Variants in FEZ1 observed in about 807,000 individuals in gnomAD.
The protein encoded by FEZ1 is fasciculation and elongation protein zeta 1, also known as fasciculation and elongation protein zeta-1.
In FEZ1, 20 loss-of-function variants were observed where a neutral mutation model predicts 49.3. The observed-to-expected ratio is 0.41, with a 90% confidence interval of 0.29 to 0.59. FEZ1 has a LOEUF of 0.59. Among genes scored for constraint, FEZ1 ranks in the 20% least tolerant of loss-of-function variants. FEZ1 has a pLI of 0.36. For synonymous variants in FEZ1, 170 were observed against 180.9 expected (o/e 0.94, Z 0.48); for missense variants, 413 against 476.0 (o/e 0.87, Z 1.23).
chr11:125,493,473 G>A (rs866177709), intron 1 of FEZ1, among the ~76,000 whole-genome samples: 72 of 53,112 alleles, frequency 1.4e-3, no homozygotes, highest in African/African-American at 3.6e-3. Context: ...AAGGAAAGAA[G>A]GAAAGAAGGA....
chr11:125,481,620 G>T lies in FEZ1; in HGVS notation c.325C>A (p.Leu109Met). 1 of 1,610,004 alleles carries T rather than the reference G, an allele frequency of 6.2e-7. No homozygotes were observed. Among genetic ancestry groups the T allele is most frequent in the Non-Finnish European group, 8.5e-7 (1 of 1,176,468 alleles). Residue 109 changes from leucine to methionine, a missense_variant, in exon 3 of 10, where the codon CTG (leucine) becomes ATG (methionine). Transcript: ENST00000278919. The part of the protein sequence containing the change: ...TLQDEEVWDA[L>M]TDNYIPSLSE... ...AGTGAAGGGATGTAATTGTCTGTCA[G>T]AGCATCCCAAACCCTGTAAACAAAG...
chr11:125,487,597 C>T (rs913748808), intron 2 of FEZ1, among the ~76,000 whole-genome samples: 11 of 152,102 alleles, frequency 7.2e-5, no homozygotes, highest in African/African-American at 2.7e-4. Context: ...AAAATTTAAA[C>T]ACATAGCCCA....
chr11:125,452,594 C>T (rs1353418510), intron 7 of FEZ1, 185 bp from the exon 8 acceptor site: 4 of 554,158 alleles, frequency 7.2e-6, no homozygotes, highest in African/African-American at 3.8e-5. Context: ...AAAAGTAAGA[C>T]TTTCCCACAT....
At chr11:125,457,490 G>A (rs1053812395) in intron 5 of FEZ1, among the ~76,000 whole-genome samples, 2 of 20,848 alleles carry the variant, frequency 9.6e-5, no homozygotes, top group African/African-American at 1.9e-4. Flanking sequence ...ACACATATAT[G>A]TGTATATATG....
At chr11:125,487,401 G>A (rs1056623886) in intron 2 of FEZ1, among the ~76,000 whole-genome samples, 1 of 152,148 alleles carries the variant, frequency 6.6e-6, no homozygotes, top group African/African-American at 2.4e-5. Context: ...CTTGCCCAAG[G>A]TCACACAGCG....
intron 5 of FEZ1, among the ~76,000 whole-genome samples, chr11:125,456,842 A>G (rs534868280): frequency 2.6e-5 from 4 of 152,296 alleles, no homozygotes; most frequent in Admixed American, 2.0e-4. Flanking sequence ...ATATATTTTC[A>G]TAGTTGAGAT....
chr11:125,457,441 T>C (rs1208002474), intron 5 of FEZ1, among the ~76,000 whole-genome samples: 1 of 79,172 alleles, frequency 1.3e-5, no homozygotes, highest in East Asian at 4.1e-4. Context: ...TATATATATA[T>C]ATATATATAT....
rs1957447595 is a variant in FEZ1, at chr11:125,495,282, C to A, written c.-46+839G>T. On this transcript the variant is annotated intron_variant, in intron 1 of 9. Coordinates refer to ENST00000278919, the MANE Select transcript of FEZ1 (RefSeq NM_005103.5). The surrounding 1 kb of genome is among the most constrained non-coding windows in gnomAD (Gnocchi z 4.2). ...CAGGCCGCATACACACTCCACTGCC[C>A]TTCCGGCCAAACAAGCCCGGACACG... is the stretch of plus-strand genomic sequence containing the variant. 4.6e-6 allele frequency: 2 copies of A among 438,050 alleles called. No individual in the cohort carries two copies. The highest frequency in any genetic ancestry group is 7.1e-5 in the East Asian group (1 of 14,072). 27.1% of individuals were successfully genotyped at this position (438,050 alleles called of 1,614,324 possible).
rs181830556 is a variant in FEZ1 at position 125,454,175 on chromosome 11, C to T, written c.975G>A (p.Gln325=). The T allele has an allele frequency of 1.5e-5, 24 of 1,613,684 alleles. No homozygotes were observed. In the East Asian group the frequency reaches 5.4e-4, roughly 36 times the overall value. ...FSMEGISNIL[Q]SGIRQTFGSS... is the part of the protein sequence containing the mutation. Reference sequence around the variant, plus strand: ...AGCCAAAGGTCTGGCGGATGCCACTCTGCAGAATGTTGGAGATGCCTTCCA... The same window carrying T: ...AGCCAAAGGTCTGGCGGATGCCACTTTGCAGAATGTTGGAGATGCCTTCCA... Residue 325 remains glutamine (Q), a synonymous_variant, in exon 7 of 10, where the codon CAG becomes CAA. Transcript: ENST00000278919.
intron 3 of FEZ1, among the ~76,000 whole-genome samples, chr11:125,470,704 T>C (rs984508355): frequency 2.6e-5 from 4 of 152,200 alleles, no homozygotes; most frequent in Non-Finnish European, 4.4e-5. Context: ...CCTGTGGCTC[T>C]ACACCAAAAG....
In FEZ1 at chr11:125,489,485, T is replaced by G. The variant is rs766238154; in HGVS notation, c.293A>C (p.Glu98Ala). The G allele has an allele frequency of 2.5e-6, 4 of 1,613,318 alleles. No homozygotes were observed. Among genetic ancestry groups the G allele is most frequent in the Non-Finnish European group, 3.4e-6 (4 of 1,179,670 alleles). Residue 98 changes from glutamate to alanine, a missense_variant, in exon 2 of 10, where the codon GAG (glutamate) becomes GCG (alanine). Coordinates refer to ENST00000278919, the MANE Select transcript of FEZ1 (RefSeq NM_005103.5). The surrounding 1 kb of genome is among the most constrained non-coding windows in gnomAD (Gnocchi z 4.2). ...TTCTTACTCCTCGTCCTGAAGGGTC[T>G]CCTCCTCCTCTTGGATCTGTAACTG... ...KNQLQIQEEE[E>A]TLQDEEVWDA... is the part of the protein sequence containing the mutation.
At chr11:125,476,697 AAAG>A (rs1408307755) in intron 3 of FEZ1, among the ~76,000 whole-genome samples, 1 of 152,220 alleles carries the variant, frequency 6.6e-6, no homozygotes, top group African/African-American at 2.4e-5. Context: ...GTCAGCCTAA[AAAG>A]AAGGACTGGG....
intron 2 of FEZ1, among the ~76,000 whole-genome samples, chr11:125,487,141 A>G (rs529081640): frequency 6.6e-6 from 1 of 152,290 alleles, no homozygotes; most frequent in African/African-American, 2.4e-5. Flanking sequence ...AATGTGCTAG[A>G]AGACAGTAAG....
chr11:125,495,513 C>G lies in FEZ1; in HGVS notation c.-46+608G>C. 1 of 471,152 alleles carries G rather than the reference C, an allele frequency of 2.1e-6. No individual in the cohort carries two copies. The highest frequency in any genetic ancestry group is 4.4e-6 in the Non-Finnish European group (1 of 227,040). The allele number at this position is 471,152 out of a possible 1,614,324, so 29.2% of individuals were successfully genotyped here. On this transcript the variant is annotated intron_variant, in intron 1 of 9. Coordinates refer to ENST00000278919, the MANE Select transcript of FEZ1 (RefSeq NM_005103.5). This position sits in a 1 kb window ranked among gnomAD's most constrained non-coding sequence, Gnocchi z 4.2. ...CCGCCCGTCTGTAGTAAAACAATCG[C>G]TCTCCCGGCGTCTGCGGCCGCTGCC...
In FEZ1 at chr11:125,473,818, CAAA is replaced by C. The variant is rs141159400; in HGVS notation, c.411+7713_411+7715del. ...TGGGCAACAGAGCAAGACTCCATTT[CAAA>C]AAAAAAAAAAAAAACAGAAAGAAAC... On this transcript the variant is annotated intron_variant, in intron 3 of 9. Coordinates refer to ENST00000278919, the MANE Select transcript of FEZ1 (RefSeq NM_005103.5). 8.0e-3 allele frequency among the ~76,000 whole-genome samples: 813 copies of C among 102,090 alleles called. 31 individuals are homozygous for C. In the East Asian group the frequency reaches 0.16, roughly 20 times the overall value. The allele number at this position is 102,090 out of a possible 152,430, so 67.0% of individuals were successfully genotyped here. A position where few individuals can be genotyped will look rare whatever the true frequency, so the allele number is the denominator to read the frequency against.
Position 125,446,076 on chromosome 11 carries a change from G to C in FEZ1, c.*19C>G, listed in dbSNP as rs763821201. 8.7e-6 allele frequency: 14 copies of C among 1,613,232 alleles called. No individual in the cohort carries two copies. Among genetic ancestry groups the C allele is most frequent in the Non-Finnish European group, 1.2e-5 (14 of 1,179,326 alleles). ...TTGCTCAGTGACCTCCTGCAGCGAG[G>C]CTGCTCCAAAGGGCAAGGTTAGGTA... On this transcript the variant is annotated 3_prime_UTR_variant, in exon 10 of 10. Coordinates refer to ENST00000278919, the MANE Select transcript of FEZ1 (RefSeq NM_005103.5).
rs2135730454 is a variant in FEZ1 at position 125,444,596 on chromosome 11, A to AAT, written c.*1498_*1499insAT. Among the ~76,000 whole-genome samples the AAT allele has an allele frequency of 1.3e-5, 2 of 151,846 alleles. No individual in the cohort carries two copies. Among genetic ancestry groups the AAT allele is most frequent in the South Asian group, 4.2e-4 (2 of 4,802 alleles). On this transcript the variant is annotated 3_prime_UTR_variant, in exon 10 of 10. Transcript: ENST00000278919. ...GTCAAACTCCGTCTGAAAAAAAAAA[A>AAT]GCAGAGGCCCAGGAAGGGAGGCAGG...
intron 3 of FEZ1, among the ~76,000 whole-genome samples, chr11:125,465,517 G>A (rs1957119595): frequency 6.6e-6 from 1 of 152,152 alleles, no homozygotes; most frequent in Non-Finnish European, 1.5e-5. Context: ...GGTCTGAATT[G>A]TCAGGCTTGG....
At chr11:125,485,768 T>C (rs1957321103) in intron 2 of FEZ1, among the ~76,000 whole-genome samples, 2 of 148,888 alleles carry the variant, frequency 1.3e-5, no homozygotes, top group Non-Finnish European at 1.5e-5. Flanking sequence ...AAAACCCATG[T>C]CTACTAAAAG....
Sources: allele counts gnomAD v4.1 joint callset (sites outside exome capture counted in the v4.1 genomes callset), GRCh38; gene constraint gnomAD v4.1.1; non-coding constraint Gnocchi (gnomAD v3.1); transcripts MANE v1.5; gene names NCBI Gene and HGNC (gene_info 2026-07-23, HGNC 2026-07-21).